The following ZEB1 variants were observed in gnomAD, a reference collection of about 807,000 sequenced individuals.
ZEB1 encodes zinc finger E-box binding homeobox 1.
In ZEB1, 21 loss-of-function variants were observed where a neutral mutation model predicts 84.9. The ratio of observed to expected loss-of-function variants is 0.25; its 90% CI spans 0.18 to 0.36. ZEB1 has a LOEUF of 0.36. Ranked by LOEUF, ZEB1 falls within the 10% of genes least tolerant of loss-of-function variation. The pLI, the probability that ZEB1 is intolerant of heterozygous loss-of-function variation, is 1.00. For synonymous variants in ZEB1, 420 were observed against 471.1 expected (o/e 0.89, Z 1.41); for missense variants, 1,104 against 1,330.2 (o/e 0.83, Z 2.65).
intron 3 of ZEB1, among the ~76,000 whole-genome samples, chr10:31,501,061 G>T (rs1186164660): frequency 6.6e-6 from 1 of 152,222 alleles, no homozygotes; most frequent in East Asian, 1.9e-4. Context: ...AGGAGATGTA[G>T]CAAGATTGTT....
At position 31,521,036 on chromosome 10, in the gene ZEB1, G is replaced by A. The variant is rs372068000; in HGVS notation, c.1704G>A (p.Glu568=). The A allele has an allele frequency of 3.4e-5, 55 of 1,613,950 alleles. No individual in the cohort carries two copies. The highest frequency in any genetic ancestry group is 4.2e-5 in the Non-Finnish European group (50 of 1,180,014). ...CTCCACTCCCTGCAGCAGAAGCTGA[G>A]AAGCCTGAGTCCTCTGTTTCATCAG... ...QPPPLPAAEA[E]KPESSVSSAT... Residue 568 remains glutamate (E), a synonymous_variant, in exon 7 of 9, where the codon GAG becomes GAA. Transcript: ENST00000424869.
intron 1 of ZEB1, among the ~76,000 whole-genome samples, chr10:31,326,362 C>G (rs2035494165): frequency 6.6e-6 from 1 of 152,134 alleles, no homozygotes; most frequent in African/African-American, 2.4e-5. Flanking sequence ...CTATTTGCTC[C>G]TATTGCTACA....
intron 1 of ZEB1, among the ~76,000 whole-genome samples, chr10:31,354,494 T>A (rs1225029549): frequency 6.6e-6 from 1 of 152,192 alleles, no homozygotes; most frequent in Non-Finnish European, 1.5e-5. Flanking sequence ...TTTCTAAGGA[T>A]TATTCTGAAT....
At position 31,370,901 on chromosome 10, in the gene ZEB1, C is replaced by A. The variant is rs79425614; in HGVS notation, c.58+51609C>A. Among the ~76,000 whole-genome samples the A allele has an allele frequency of 2.0e-4, 31 of 151,966 alleles. No individual in the cohort carries two copies. The East Asian group carries it at 6.0e-3, about 29-fold the overall frequency. ...AAGACTGTTTTTAAAAAAATTTTTG[C>A]GGAGACTGGGTGTTGCTTTGTTGCC... is the stretch of plus-strand genomic sequence containing the variant. On this transcript the variant is annotated intron_variant, in intron 1 of 8. Coordinates refer to ENST00000424869, the MANE Select transcript of ZEB1 (RefSeq NM_001174096.2).
chr10:31,346,605 C>A (rs2040360296), intron 1 of ZEB1, among the ~76,000 whole-genome samples: 1 of 151,712 alleles, frequency 6.6e-6, no homozygotes, highest in African/African-American at 2.4e-5. Flanking sequence ...ATCTAATGTC[C>A]TTTTCTATCA....
chr10:31,470,195 G>A (rs28889057), intron 2 of ZEB1, among the ~76,000 whole-genome samples: 8,773 of 152,148 alleles, frequency 0.058, 671 homozygotes, highest in African/African-American at 0.18. Flanking sequence ...CACCAGCAAT[G>A]GAACAAAGCT....
chr10:31,473,716 G>A (rs1198689285), intron 2 of ZEB1, among the ~76,000 whole-genome samples: 5 of 149,346 alleles, frequency 3.3e-5, no homozygotes, highest in Non-Finnish European at 5.9e-5. Context: ...CTACTTTAAA[G>A]TTCATATGGA....
chr10:31,477,768 C>T (rs2064443517), intron 2 of ZEB1, among the ~76,000 whole-genome samples: 1 of 151,946 alleles, frequency 6.6e-6, no homozygotes, highest in East Asian at 1.9e-4. Flanking sequence ...GGGGAAAGGA[C>T]ATCCTATTCA....
At chr10:31,411,814 C>G (rs1305514342) in intron 1 of ZEB1, among the ~76,000 whole-genome samples, 1 of 152,068 alleles carries the variant, frequency 6.6e-6, no homozygotes, top group Non-Finnish European at 1.5e-5. Flanking sequence ...CACAATCCAA[C>G]TAAAACCAAA....
chr10:31,497,679 A>G (rs372121092), intron 3 of ZEB1, among the ~76,000 whole-genome samples: 1 of 152,166 alleles, frequency 6.6e-6, no homozygotes, highest in African/African-American at 2.4e-5. Flanking sequence ...AGCATTGTAC[A>G]GCAGTCGCCA....
intron 2 of ZEB1, among the ~76,000 whole-genome samples, chr10:31,463,211 A>T (rs2062009903): frequency 6.6e-6 from 1 of 152,158 alleles, no homozygotes. Context: ...AATAAGGTAG[A>T]TGAAGGGAGA....
intron 1 of ZEB1, among the ~76,000 whole-genome samples, chr10:31,453,896 C>T (rs1241772143): frequency 1.3e-5 from 2 of 152,128 alleles, no homozygotes; most frequent in Non-Finnish European, 2.9e-5. Context: ...GGAATCCTCC[C>T]GAACTCATTT....
intron 1 of ZEB1, chr10:31,389,587 G>C (rs539888949): frequency 2.0e-5 from 3 of 151,924 alleles, no homozygotes; most frequent in East Asian, 1.9e-4. Flanking sequence ...TGTGTTTACC[G>C]TACTGATTTT....
At chr10:31,322,836 C>A (rs1482034421) in intron 1 of ZEB1, among the ~76,000 whole-genome samples, 1 of 151,556 alleles carries the variant, frequency 6.6e-6, no homozygotes, top group East Asian at 1.9e-4. Flanking sequence ...GGTACATATC[C>A]TTCTGTCATC....
intron 1 of ZEB1, among the ~76,000 whole-genome samples, chr10:31,336,342 T>A (rs947613924): frequency 2.6e-5 from 4 of 152,058 alleles, no homozygotes; most frequent in Non-Finnish European, 2.9e-5. Flanking sequence ...GTTAATTAAA[T>A]GGAAAAAATT....
intron 1 of ZEB1, among the ~76,000 whole-genome samples, chr10:31,373,442 T>G (rs942739698): frequency 6.6e-6 from 1 of 151,698 alleles, no homozygotes; most frequent in African/African-American, 2.4e-5. Context: ...AAAATTCAAT[T>G]TTTGTAGTTT....
chr10:31,391,486 C>T (rs1241152434), intron 1 of ZEB1, among the ~76,000 whole-genome samples: 6 of 152,022 alleles, frequency 3.9e-5, no homozygotes, highest in East Asian at 1.9e-4. Flanking sequence ...GAATGTCACA[C>T]ATTTTCATGT....
intron 1 of ZEB1, among the ~76,000 whole-genome samples, chr10:31,370,844 T>C (rs1395153126): frequency 4.6e-5 from 7 of 152,232 alleles, no homozygotes; most frequent in Admixed American, 2.6e-4. Flanking sequence ...CCTGTTTCTT[T>C]ATTTGTAAAA....
chr10:31,363,318 G>C (rs2043730970), intron 1 of ZEB1: 1 of 1,533,028 alleles, frequency 6.5e-7, no homozygotes, highest in South Asian at 1.2e-5. Flanking sequence ...CTCCAGCAGG[G>C]CTGTGTGAAC....
Sources: allele counts gnomAD v4.1 joint callset (sites outside exome capture counted in the v4.1 genomes callset), GRCh38; gene constraint gnomAD v4.1.1; transcripts MANE v1.5; gene names NCBI Gene and HGNC (gene_info 2026-07-23, HGNC 2026-07-21).